ZNF704: variants seen among roughly 807,000 people sequenced by gnomAD.
ZNF704 encodes zinc finger protein 704, also known as glucocorticoid induced gene 1.
In ZNF704, 10 loss-of-function variants were observed where a neutral mutation model predicts 44.7. The ratio of observed to expected loss-of-function variants is 0.22; its 90% CI spans 0.14 to 0.38. The LOEUF (loss-of-function observed/expected upper bound fraction) is 0.38. Among genes scored for constraint, ZNF704 ranks in the 10% least tolerant of loss-of-function variants. The pLI, the probability that ZNF704 is intolerant of heterozygous loss-of-function variation, is 1.00. For missense variants in ZNF704, 390 were observed against 545.5 expected, an observed-to-expected ratio of 0.71 and a Z score of 2.84; for synonymous variants, 211 against 207.6, an observed-to-expected ratio of 1.02 and a Z score of -0.14.
intron 2 of ZNF704, among the ~76,000 whole-genome samples, chr8:80,737,855 T>C (rs1806691642): frequency 6.6e-6 from 1 of 152,134 alleles, no homozygotes; most frequent in African/African-American, 2.4e-5. Context: ...AGACTATTAC[T>C]CATTAAACTC....
At chr8:80,775,478 A>G (rs1807395890) in intron 2 of ZNF704, among the ~76,000 whole-genome samples, 1 of 152,226 alleles carries the variant, frequency 6.6e-6, no homozygotes, top group Non-Finnish European at 1.5e-5. Flanking sequence ...GGTAAAATAA[A>G]TGATAAAGAA....
intron 2 of ZNF704, among the ~76,000 whole-genome samples, chr8:80,788,491 A>G (rs1439365805): frequency 6.6e-6 from 1 of 152,222 alleles, no homozygotes; most frequent in Non-Finnish European, 1.5e-5. Flanking sequence ...ATTCTGTCCA[A>G]TGAGATGTAA....
chr8:80,858,691 AAAAC>A lies in ZNF704; in HGVS notation c.-22+15876_-22+15879del, dbSNP rs538244504. On this transcript the variant is annotated intron_variant, in intron 1 of 8. Transcript: ENST00000327835. ...CACAGCGAGATTCTGTCTCAAAAAAAAAACAAAAAACAAACAAAACAACAACAAC... is the reference window on the plus strand; with the variant it reads ...CACAGCGAGATTCTGTCTCAAAAAAAAAAAAACAAACAAAACAACAACAAC... Among the ~76,000 whole-genome samples, 579 of 152,224 alleles carry A rather than the reference AAAAC, an allele frequency of 3.8e-3. 3 individuals carry two copies. Among genetic ancestry groups the A allele is most frequent in the African/African-American group, 0.013 (545 of 41,528 alleles).
At chr8:80,740,425 C>G (rs564569561) in intron 2 of ZNF704, among the ~76,000 whole-genome samples, 13 of 152,198 alleles carry the variant, frequency 8.5e-5, no homozygotes, top group African/African-American at 2.6e-4. Context: ...AAGGCAGTAC[C>G]CTCTTAGACC....
intron 2 of ZNF704, 73 bp downstream of exon 2, chr8:80,821,301 C>A: frequency 7.0e-7 from 1 of 1,438,630 alleles, no homozygotes; most frequent in Non-Finnish European, 9.7e-7. Flanking sequence ...AGAGTCTGTA[C>A]ACTGGCAGAG....
intron 2 of ZNF704, among the ~76,000 whole-genome samples, chr8:80,816,060 AC>A (rs764013229): frequency 1.3e-4 from 20 of 152,178 alleles, no homozygotes; most frequent in Non-Finnish European, 2.5e-4. Flanking sequence ...GTCTGTTCTT[AC>A]AACCAAGAAG....
intron 2 of ZNF704, among the ~76,000 whole-genome samples, chr8:80,723,402 T>C (rs1439143662): frequency 6.6e-6 from 1 of 152,182 alleles, no homozygotes; most frequent in Non-Finnish European, 1.5e-5. Flanking sequence ...AAATGCAAAG[T>C]ATTTTAACTG....
chr8:80,792,669 T>C (rs1359873700), intron 2 of ZNF704, among the ~76,000 whole-genome samples: 1 of 152,222 alleles, frequency 6.6e-6, no homozygotes, highest in Admixed American at 6.5e-5. Context: ...AGGTTTCCTC[T>C]TGCTGGCTTT....
At chr8:80,865,443 T>C (rs900389895) in intron 1 of ZNF704, among the ~76,000 whole-genome samples, 2 of 152,134 alleles carry the variant, frequency 1.3e-5, no homozygotes, top group Admixed American at 6.6e-5. Context: ...GGGAGGATCA[T>C]CTCCTTTGAC....
At chr8:80,651,911 T>C (rs1175086918) in intron 7 of ZNF704, among the ~76,000 whole-genome samples, 1 of 152,110 alleles carries the variant, frequency 6.6e-6, no homozygotes, top group Non-Finnish European at 1.5e-5. Flanking sequence ...GACCACATAG[T>C]TGGAAGTAAA....
intron 1 of ZNF704, among the ~76,000 whole-genome samples, chr8:80,828,246 T>A (rs1808413313): frequency 6.6e-6 from 1 of 152,192 alleles, no homozygotes; most frequent in Admixed American, 6.5e-5. Context: ...TAATTTTTCC[T>A]ATCACTTGTA....
At chr8:80,777,674 T>C (rs1016310335) in intron 2 of ZNF704, among the ~76,000 whole-genome samples, 2 of 150,260 alleles carry the variant, frequency 1.3e-5, no homozygotes, top group Admixed American at 1.3e-4. Context: ...AGGTCAGGAG[T>C]TCAAGACCAG....
rs146420731 is a variant in ZNF704 at position 80,789,097 on chromosome 8, G to T, written c.221+32277C>A. On this transcript the variant is annotated intron_variant, in intron 2 of 8. Coordinates refer to ENST00000327835, the MANE Select transcript of ZNF704 (RefSeq NM_001033723.3). Reference sequence around the variant, plus strand: ...TAATTTCAATTAGATTTCCTACAATGATCAATGCTAAAACCAAGAGAAACC... The same window carrying T: ...TAATTTCAATTAGATTTCCTACAATTATCAATGCTAAAACCAAGAGAAACC... Among the ~76,000 whole-genome samples, 239 of 152,226 alleles carry T rather than the reference G, an allele frequency of 1.6e-3. 2 individuals are homozygous for T. In the East Asian group the frequency reaches 0.018, roughly 12 times the overall value.
intron 2 of ZNF704, among the ~76,000 whole-genome samples, chr8:80,726,133 A>G (rs1806477113): frequency 6.6e-6 from 1 of 152,084 alleles, no homozygotes; most frequent in Admixed American, 6.5e-5. Flanking sequence ...AAAATTAATA[A>G]TTATAAAATT....
Position 80,730,538 on chromosome 8 carries a change from TAAAAAAAAAAA to T in ZNF704, c.222-37442_222-37432del, listed in dbSNP as rs148942015. 1.0e-2 allele frequency among the ~76,000 whole-genome samples: 637 copies of T among 63,974 alleles called. 9 individuals carry two copies. The highest frequency in any genetic ancestry group is 0.03 in the African/African-American group (592 of 19,640). 42.0% of individuals were successfully genotyped at this position (63,974 alleles called of 152,430 possible). A position where few individuals can be genotyped will look rare whatever the true frequency, so the allele number is the denominator to read the frequency against. ...TGGGTGACAGAGCAAGACTACATCT[TAAAAAAAAAAA>T]AAAAAAAAAAAAAAAAAAAGTTGTG... On this transcript the variant is annotated intron_variant, in intron 2 of 8. Transcript: ENST00000327835.
At chr8:80,691,155 G>C (rs1699203126) in intron 3 of ZNF704, among the ~76,000 whole-genome samples, 2 of 152,230 alleles carry the variant, frequency 1.3e-5, no homozygotes, top group Admixed American at 1.3e-4. Flanking sequence ...GTAAGTTTTG[G>C]TAAGGCCTCA....
chr8:80,827,420 G>C (rs955593982), intron 1 of ZNF704, among the ~76,000 whole-genome samples: 3 of 152,098 alleles, frequency 2.0e-5, no homozygotes, highest in Admixed American at 6.6e-5. Context: ...CAAAATAGAA[G>C]AGGACACAAA....
rs748328409 is a variant in ZNF704, at chr8:80,659,657, G to C, written c.960C>G (p.Ala320=). Residue 320 remains alanine, a synonymous_variant, in exon 7 of 9, where the codon GCC becomes GCG. Transcript: ENST00000327835. ...AGCTGCTGCCATTGGGGGTGAACTT[G>C]GCCGATCCTGGAATGGTCACAGGGG... ...ATPPVTIPGS[A]KFTPNGSSFS... The C allele has an allele frequency of 3.1e-6, 5 of 1,613,952 alleles. No individual in the cohort carries two copies. In the South Asian group the frequency reaches 4.4e-5, roughly 14 times the overall value.
intron 2 of ZNF704, among the ~76,000 whole-genome samples, chr8:80,791,552 T>G (rs113342561): frequency 6.6e-6 from 1 of 152,316 alleles, no homozygotes; most frequent in African/African-American, 2.4e-5. Context: ...ACAGTCTTAA[T>G]AGCAGACTCT....
Sources: allele counts gnomAD v4.1 joint callset (sites outside exome capture counted in the v4.1 genomes callset), GRCh38; gene constraint gnomAD v4.1.1; transcripts MANE v1.5; gene names NCBI Gene and HGNC (gene_info 2026-07-23, HGNC 2026-07-21).